Variants in C18orf54 observed in about 807,000 individuals in gnomAD.
C18orf54 encodes the protein lung adenoma susceptibility protein 2.
A neutral mutation model predicts 49.3 loss-of-function variants in C18orf54; 49 were observed. The observed-to-expected ratio is 0.99, with a 90% CI of 0.79 to 1.26. C18orf54 has a LOEUF of 1.26. C18orf54 is among the 50% of genes most tolerant of loss of function. The pLI is 0.00. For missense variants in C18orf54, 687 were observed against 620.6 expected (o/e 1.11, Z -1.14); for synonymous variants, 211 against 216.6 (o/e 0.97, Z 0.23).
intron 7 of C18orf54, 26 bp from the exon 8 acceptor site, chr18:54,374,188 G>T: frequency 6.8e-7 from 1 of 1,480,494 alleles, no homozygotes; most frequent in Non-Finnish European, 9.1e-7. Context: ...TTAATATTTT[G>T]TTATATTTGG....
chr18:54,362,992 A>G, intron 5 of C18orf54, 71 bp downstream of exon 5: 1 of 1,396,462 alleles, frequency 7.2e-7, no homozygotes, highest in South Asian at 1.3e-5. Flanking sequence ...TCTGATTTAT[A>G]TTTAAACGAA....
chr18:54,372,383 T>C (rs963471097), intron 6 of C18orf54, 83 bp from the exon 7 acceptor site: 39 of 1,213,710 alleles, frequency 3.2e-5, no homozygotes, highest in Non-Finnish European at 4.0e-5. Flanking sequence ...TAATTTTCTA[T>C]TGGGGAAATT....
In C18orf54 at chr18:54,374,201, T is replaced by G; in HGVS notation, c.1459-13T>G. 2 of 1,545,750 alleles carry G rather than the reference T, an allele frequency of 1.3e-6. No individual in the cohort carries two copies. The highest frequency in any genetic ancestry group is 1.7e-6 in the Non-Finnish European group (2 of 1,143,018). On this transcript the variant is annotated splice_polypyrimidine_tract_variant and intron_variant, in intron 7 of 8. Coordinates refer to ENST00000620105, the MANE Select transcript of C18orf54 (RefSeq NM_001288980.2). ...TTTTAATATTTTGTTATATTTGGTG[T>G]TTTTAATAATAGGTTTCAGAAGATG...
At position 54,361,877 on chromosome 18, in the gene C18orf54, C is replaced by T; in HGVS notation, c.518C>T (p.Pro173Leu). The T allele has an allele frequency of 6.2e-7, 1 of 1,614,008 alleles. No homozygotes were observed. The highest frequency in any genetic ancestry group is 8.5e-7 in the Non-Finnish European group (1 of 1,179,972). ...GAGAAGAATCCACATTTTCAAGGAC[C>T]CTACACTTCCATGGGCAAGGATAAC... Reference protein sequence around the residue: ...DIEKNPHFQGPYTSMGKDNFV... With the variant: ...DIEKNPHFQGLYTSMGKDNFV... Residue 173 changes from proline to leucine, a missense_variant, in exon 4 of 9, where the codon CCC becomes CTC. Physicochemically the swap from Pro to Leu is moderately conservative, Grantham distance 98 (BLOSUM62 -3). Transcript: ENST00000620105.
At chr18:54,367,543 T>TC (rs35935112) in intron 6 of C18orf54, among the ~76,000 whole-genome samples, 136,168 of 152,136 alleles carry the variant, frequency 0.9, 61,198 homozygotes, top group East Asian at 1. Flanking sequence ...GAATGTATCA[T>TC]CCATCCTCTC....
chr18:54,365,967 GATT>G (rs2089373936), intron 6 of C18orf54, 146 bp downstream of exon 6: 1 of 305,724 alleles, frequency 3.3e-6, no homozygotes, highest in Non-Finnish European at 5.9e-6. Flanking sequence ...CAGAATTATT[GATT>G]ATATTATTTT....
intron 6 of C18orf54, among the ~76,000 whole-genome samples, chr18:54,366,724 C>A (rs1393071239): frequency 6.6e-6 from 1 of 151,802 alleles, no homozygotes; most frequent in Non-Finnish European, 1.5e-5. Flanking sequence ...AATCTTCATA[C>A]TGTTTTACTG....
At position 54,362,832 on chromosome 18, in the gene C18orf54, A is replaced by G. The variant is rs1875204657; in HGVS notation, c.1134A>G (p.Glu378=). The part of the protein sequence containing the change: ...AKRNLEQCTE[E]LPKSMKKDDS... Reference sequence around the variant, plus strand: ...GAAATCTAGAGCAGTGTACTGAAGAATTACCAAAGTCCATGAAAAAGGATG... The same window carrying G: ...GAAATCTAGAGCAGTGTACTGAAGAGTTACCAAAGTCCATGAAAAAGGATG... The change falls in exon 5 of 9, where the codon GAA becomes GAG. Residue 378 remains glutamate, a synonymous_variant. Transcript: ENST00000620105. 6.2e-7 allele frequency: 1 copy of G among 1,612,630 alleles called. No individual in the cohort carries two copies. The highest frequency in any genetic ancestry group is 8.5e-7 in the Non-Finnish European group (1 of 1,179,672).
intron 6 of C18orf54, among the ~76,000 whole-genome samples, chr18:54,369,932 A>G (rs74254742): frequency 0.012 from 2 of 162 alleles, no homozygotes; most frequent in East Asian, 0.12. Flanking sequence ...TGGCCCTCTG[A>G]TGTGTGGGTT....
intron 8 of C18orf54, among the ~76,000 whole-genome samples, chr18:54,377,184 C>T (rs1358557398): frequency 1.3e-5 from 2 of 152,066 alleles, no homozygotes; most frequent in Non-Finnish European, 2.9e-5. Context: ...AGATGCCAGT[C>T]ACCACGCCTG....
chr18:54,378,034 A>T, intron 8 of C18orf54, 140 bp from the exon 9 acceptor site: 1 of 445,560 alleles, frequency 2.2e-6, no homozygotes, highest in Non-Finnish European at 3.9e-6. Context: ...TATAAGGAAT[A>T]AGTCTCAAAG....
At chr18:54,367,867 C>G (rs541316397) in intron 6 of C18orf54, among the ~76,000 whole-genome samples, 1 of 152,034 alleles carries the variant, frequency 6.6e-6, no homozygotes, top group South Asian at 2.1e-4. Context: ...ATCCTTAAGT[C>G]TTGTAGGCTT....
rs1385659280 is a variant in C18orf54 at position 54,380,349 on chromosome 18, G to A, written c.*2103G>A. 2 of 151,738 alleles carry A rather than the reference G, an allele frequency of 1.3e-5. No homozygotes were observed. The highest frequency in any genetic ancestry group is 3.8e-4 in the East Asian group (2 of 5,202). The allele number at this position is 151,738 out of a possible 1,614,324, so 9.4% of individuals were successfully genotyped here. A position where few individuals can be genotyped will look rare whatever the true frequency, so the allele number is the denominator to read the frequency against. ...AATGTAAAATTTTTATCAATCCTTT[G>A]CTCTCTTTTAGACATATTGAGAAAA... On this transcript the variant is annotated 3_prime_UTR_variant, in exon 9 of 9. Coordinates refer to ENST00000620105, the MANE Select transcript of C18orf54 (RefSeq NM_001288980.2).
At chr18:54,361,501 C>A in intron 3 of C18orf54, 142 bp from the exon 4 acceptor site, 1 of 684,836 alleles carries the variant, frequency 1.5e-6, no homozygotes, top group African/African-American at 1.8e-5. Context: ...TATCCACCTA[C>A]ACCTTTTTAT....
At chr18:54,373,750 T>C (rs749755063) in intron 7 of C18orf54, among the ~76,000 whole-genome samples, 12 of 151,858 alleles carry the variant, frequency 7.9e-5, no homozygotes, top group Non-Finnish European at 1.5e-4. Context: ...CATTGTTTTA[T>C]TGTTATTCAG....
intron 5 of C18orf54, among the ~76,000 whole-genome samples, chr18:54,365,014 G>C (rs566772506): frequency 2.6e-5 from 4 of 152,006 alleles, no homozygotes; most frequent in African/African-American, 9.6e-5. Context: ...ATTTTTGGTG[G>C]GGATACCCTT....
chr18:54,372,403 T>TA, intron 6 of C18orf54, 63 bp from the exon 7 acceptor site: 1 of 1,347,198 alleles, frequency 7.4e-7, no homozygotes, highest in East Asian at 2.6e-5. Flanking sequence ...TAATACAAAA[T>TA]AAAACTCTTC....
intron 8 of C18orf54, among the ~76,000 whole-genome samples, chr18:54,377,815 A>C (rs938915032): frequency 6.6e-5 from 10 of 152,228 alleles, no homozygotes; most frequent in African/African-American, 2.4e-4. Context: ...CCAAAAGCAA[A>C]GGTGTCATTT....
intron 2 of C18orf54, among the ~76,000 whole-genome samples, chr18:54,359,186 A>G (rs1219619513): frequency 2.6e-5 from 4 of 152,226 alleles, no homozygotes; most frequent in Admixed American, 2.6e-4. Flanking sequence ...TTCTCTTTCA[A>G]GGTTTTGTAA....
Sources: gnomAD v4.1 joint callset for allele counts (sites outside exome capture counted in the v4.1 genomes callset) on GRCh38, gnomAD v4.1.1 for gene constraint, MANE v1.5 for transcripts, NCBI Gene and HGNC (gene_info 2026-07-23, HGNC 2026-07-21) for gene names.